The following DOCK5 variants were observed in gnomAD, a reference collection of about 807,000 sequenced individuals.
The protein encoded by DOCK5 is dedicator of cytokinesis 5, also known as dedicator of cytokinesis protein 5.
DOCK5 carries 142 observed loss-of-function variants against 251.8 expected under a neutral mutation model. The observed-to-expected ratio is 0.56, with a 90% confidence interval of 0.49 to 0.65. DOCK5 has a LOEUF of 0.65. DOCK5 is among the 30% of genes least tolerant of loss of function. The pLI is 0.00. For synonymous variants in DOCK5, 842 were observed against 835.5 expected (o/e 1.01, Z -0.13); for missense variants, 2,111 against 2,312.3 (o/e 0.91, Z 1.79).
At chr8:25,314,592 CACCCATCCACCT>C (rs1476297630) in intron 13 of DOCK5, among the ~76,000 whole-genome samples, 29 of 141,910 alleles carry the variant, frequency 2.0e-4, no homozygotes, top group African/African-American at 3.4e-4. Context: ...TCCATCCACC[CACCCATCCACCT>C]ACCCATCCAC....
intron 12 of DOCK5, among the ~76,000 whole-genome samples, chr8:25,309,921 A>G (rs747965431): frequency 1.3e-5 from 2 of 152,154 alleles, no homozygotes; most frequent in Non-Finnish European, 1.5e-5. Flanking sequence ...TTCTTTTTCT[A>G]TGTAATTCAT....
intron 15 of DOCK5, 51 bp downstream of exon 15, chr8:25,319,727 T>G: frequency 1.5e-6 from 2 of 1,345,892 alleles, no homozygotes; most frequent in Middle Eastern, 2.5e-4. Context: ...CTCAGTTAGA[T>G]TCCTATCTTC....
intron 51 of DOCK5, among the ~76,000 whole-genome samples, chr8:25,410,705 C>G (rs377438998): frequency 0.12 from 8,269 of 66,250 alleles, 782 homozygotes; most frequent in African/African-American, 0.28. Flanking sequence ...CAAGTGATCC[C>G]CCCCACCCAC....
intron 1 of DOCK5, among the ~76,000 whole-genome samples, chr8:25,200,731 CTT>C (rs1801860350): frequency 6.6e-6 from 1 of 152,220 alleles, no homozygotes; most frequent in African/African-American, 2.4e-5. Context: ...ATGACCATCT[CTT>C]TGTTAATCAA....
intron 6 of DOCK5, among the ~76,000 whole-genome samples, chr8:25,294,920 C>T (rs1449609373): frequency 6.6e-6 from 1 of 152,022 alleles, no homozygotes; most frequent in African/African-American, 2.4e-5. Flanking sequence ...AGAACTCTAT[C>T]ACGAGAACAG....
At chr8:25,318,656 C>T (rs1284601269) in intron 14 of DOCK5, among the ~76,000 whole-genome samples, 1 of 145,282 alleles carries the variant, frequency 6.9e-6, no homozygotes, top group Non-Finnish European at 1.5e-5. Context: ...AGCTTTCTGC[C>T]CACATAAAGA....
chr8:25,238,909 G>T lies in DOCK5; in HGVS notation c.44-4765G>T, dbSNP rs77288964. Reference sequence around the variant, plus strand: ...GACACAAAAGTAATGTGTAACGAGGGCCCCAATCATAGGGATTTCCTTCTA... The same window carrying T: ...GACACAAAAGTAATGTGTAACGAGGTCCCCAATCATAGGGATTTCCTTCTA... On this transcript the variant is annotated intron_variant, in intron 1 of 51. Transcript: ENST00000276440. Among the ~76,000 whole-genome samples, 407 of 152,302 alleles carry T rather than the reference G, an allele frequency of 2.7e-3. 1 individual carries two copies. Among genetic ancestry groups the T allele is most frequent in the South Asian group, 0.011 (51 of 4,828 alleles).
At chr8:25,264,161 G>A (rs942167759) in intron 2 of DOCK5, among the ~76,000 whole-genome samples, 21 of 151,342 alleles carry the variant, frequency 1.4e-4, no homozygotes, top group African/African-American at 4.4e-4. Flanking sequence ...CCAGGAGTCC[G>A]AGACCAGCCT....
intron 4 of DOCK5, chr8:25,277,208 C>A: frequency 6.5e-6 from 1 of 154,038 alleles, no homozygotes; most frequent in South Asian, 1.8e-4. Context: ...AACATCATTT[C>A]TTTGGAACGT....
intron 18 of DOCK5, among the ~76,000 whole-genome samples, chr8:25,330,643 A>G (rs1399536087): frequency 6.6e-6 from 1 of 152,198 alleles, no homozygotes; most frequent in Non-Finnish European, 1.5e-5. Context: ...TATCCTGTAG[A>G]CACGAGGAAT....
chr8:25,363,519 A>C (rs1800725702), intron 29 of DOCK5, among the ~76,000 whole-genome samples: 1 of 152,182 alleles, frequency 6.6e-6, no homozygotes, highest in Non-Finnish European at 1.5e-5. Context: ...TCTTCTTATG[A>C]ACATTTAGAT....
chr8:25,311,492 G>A (rs1332395431), intron 13 of DOCK5, among the ~76,000 whole-genome samples: 5 of 147,384 alleles, frequency 3.4e-5, no homozygotes, highest in Admixed American at 2.0e-4. Flanking sequence ...GCAGTGGGCC[G>A]AGATCGCACC....
chr8:25,392,990 C>A, intron 44 of DOCK5, 108 bp downstream of exon 44: 1 of 891,862 alleles, frequency 1.1e-6, no homozygotes, highest in East Asian at 2.6e-5. Flanking sequence ...CCAGCCTCCT[C>A]TGGCCAACTT....
intron 44 of DOCK5, among the ~76,000 whole-genome samples, chr8:25,393,573 C>G (rs930174744): frequency 6.6e-6 from 1 of 152,190 alleles, no homozygotes; most frequent in African/African-American, 2.4e-5. Flanking sequence ...TCATCCCATG[C>G]TAATTTCAGT....
At chr8:25,341,555 C>T (rs544256615) in intron 23 of DOCK5, among the ~76,000 whole-genome samples, 184 bp from the exon 24 acceptor site, 1 of 152,304 alleles carries the variant, frequency 6.6e-6, no homozygotes, top group South Asian at 2.1e-4. Flanking sequence ...CCCCTGGCAT[C>T]TTCAGGAAAA....
intron 28 of DOCK5, among the ~76,000 whole-genome samples, chr8:25,360,073 C>G (rs1306698859): frequency 6.6e-6 from 1 of 152,190 alleles, no homozygotes. Context: ...GATAACTTCC[C>G]ATCATCTGTG....
chr8:25,242,831 G>A (rs559255758), intron 1 of DOCK5, among the ~76,000 whole-genome samples: 91 of 152,266 alleles, frequency 6.0e-4, no homozygotes, highest in African/African-American at 1.8e-3. Context: ...TCGTTGCACC[G>A]TGCCCTGTGT....
chr8:25,291,930 C>A, intron 5 of DOCK5, 94 bp from the exon 6 acceptor site: 1 of 1,219,950 alleles, frequency 8.2e-7, no homozygotes, highest in Non-Finnish European at 1.1e-6. Context: ...GTCTGACATT[C>A]CCGTTAAAAA....
intron 43 of DOCK5, 28 bp downstream of exon 43, chr8:25,392,008 A>T: frequency 6.2e-7 from 1 of 1,607,068 alleles, no homozygotes; most frequent in Non-Finnish European, 8.5e-7. Context: ...GTCCTTTAAG[A>T]GGTAAAATTA....
Sources: gnomAD v4.1 joint callset for allele counts (sites outside exome capture counted in the v4.1 genomes callset) on GRCh38, gnomAD v4.1.1 for gene constraint, MANE v1.5 for transcripts, NCBI Gene and HGNC (gene_info 2026-07-23, HGNC 2026-07-21) for gene names.